Variants in SLF1 observed in about 807,000 individuals in gnomAD.
The protein encoded by SLF1 is SMC5-SMC6 complex localization factor protein 1.
SLF1 carries 105 observed loss-of-function variants against 123.0 expected under a neutral mutation model. The ratio of observed to expected loss-of-function variants is 0.85; its 90% CI spans 0.73 to 1.00. SLF1 has a LOEUF of 1.00. SLF1 is among the 50% of genes least tolerant of loss of function. SLF1 has a pLI of 0.00. For missense variants in SLF1, 1,239 were observed against 1,223.0 expected (o/e 1.01, Z -0.20); for synonymous variants, 434 against 406.6 (o/e 1.07, Z -0.81).
In SLF1 at chr5:94,654,631, A is replaced by T. The variant is rs759771028; in HGVS notation, c.1034A>T (p.Lys345Ile). Residue 345 changes from lysine (K) to isoleucine (I), a missense_variant and splice_region_variant, in exon 9 of 21, where the codon AAA becomes ATA. Transcript: ENST00000265140. Reference protein sequence around the residue: ...LRRHIYNRDQKEMKNSIFAEY... With the variant: ...LRRHIYNRDQIEMKNSIFAEY... The stretch of plus-strand genomic sequence containing the variant: ...GTCATTTTACTTTGCTATATGCAGA[A>T]AGAAATGAAGAATTCTATTTTTGCT... 9 of 1,535,164 alleles carry T rather than the reference A, an allele frequency of 5.9e-6. No individual in the cohort carries two copies. The highest frequency in any genetic ancestry group is 2.0e-5 in the Admixed American group (1 of 48,864).
At chr5:94,636,500 A>G (rs981739541) in intron 4 of SLF1, among the ~76,000 whole-genome samples, 1 of 151,964 alleles carries the variant, frequency 6.6e-6, no homozygotes, top group Non-Finnish European at 1.5e-5. Context: ...ACTGTCTTTG[A>G]ACTCACTGAT....
intron 17 of SLF1, 91 bp from the exon 18 acceptor site, chr5:94,689,382 G>A (rs1387079050): frequency 7.6e-6 from 10 of 1,311,514 alleles, no homozygotes; most frequent in Non-Finnish European, 9.2e-6. Flanking sequence ...TAAATTAAAA[G>A]GGGGCTAGAC....
intron 12 of SLF1, among the ~76,000 whole-genome samples, chr5:94,669,846 A>G (rs752604020): frequency 1.3e-5 from 2 of 151,990 alleles, no homozygotes; most frequent in Admixed American, 6.6e-5. Flanking sequence ...AATGAAATCT[A>G]TAATCTTTGT....
chr5:94,662,039 T>C (rs562099990), intron 9 of SLF1, among the ~76,000 whole-genome samples: 28 of 152,278 alleles, frequency 1.8e-4, no homozygotes, highest in Non-Finnish European at 2.5e-4. Flanking sequence ...CTAAGGACAA[T>C]GGACCTCTTC....
intron 4 of SLF1, among the ~76,000 whole-genome samples, chr5:94,638,637 G>A (rs1027169598): frequency 6.6e-5 from 10 of 152,164 alleles, no homozygotes; most frequent in South Asian, 4.1e-4. Flanking sequence ...AATAGTAACC[G>A]TGAGCCCTGG....
chr5:94,695,399 G>T lies in SLF1; in HGVS notation c.*87G>T. ...GGACTTCATAGCTTACTGACAGATAGTAATTTGATTTATTTATTGACAGAC... is the reference window on the plus strand; with the variant it reads ...GGACTTCATAGCTTACTGACAGATATTAATTTGATTTATTTATTGACAGAC... On this transcript the variant is annotated 3_prime_UTR_variant, in exon 21 of 21. Transcript: ENST00000265140. 1 of 1,364,494 alleles carries T rather than the reference G, an allele frequency of 7.3e-7. No individual in the cohort carries two copies. The highest frequency in any genetic ancestry group is 9.6e-7 in the Non-Finnish European group (1 of 1,040,576). The allele number at this position is 1,364,494 out of a possible 1,614,324, so 84.5% of individuals were successfully genotyped here.
At chr5:94,620,636 G>A (rs1791700370) in intron 1 of SLF1, among the ~76,000 whole-genome samples, 1 of 152,014 alleles carries the variant, frequency 6.6e-6, no homozygotes, top group Non-Finnish European at 1.5e-5. Flanking sequence ...TTCTGTGTTG[G>A]CTTTGAATAA....
chr5:94,659,921 G>A (rs1317153836), intron 9 of SLF1, among the ~76,000 whole-genome samples: 1 of 152,094 alleles, frequency 6.6e-6, no homozygotes, highest in Admixed American at 6.5e-5. Flanking sequence ...CCAATCCTCG[G>A]GCCCCCAAGT....
Position 94,661,338 on chromosome 5 carries a change from G to T in SLF1, c.1156-960G>T, listed in dbSNP as rs1749079496. Among the ~76,000 whole-genome samples the T allele has an allele frequency of 2.0e-5, 3 of 152,000 alleles. No individual in the cohort carries two copies. In the South Asian group the frequency reaches 6.2e-4, roughly 32 times the overall value. On this transcript the variant is annotated intron_variant, in intron 9 of 20. Coordinates refer to ENST00000265140, the MANE Select transcript of SLF1 (RefSeq NM_032290.4). The stretch of plus-strand genomic sequence containing the variant: ...TCCAGGCTCCTAGCCAGTTCCATTT[G>T]AGCCAGCTGCTTTGCTTCTCTGTCT...
chr5:94,675,852 CTG>C (rs1750983802), intron 14 of SLF1, among the ~76,000 whole-genome samples: 1 of 149,210 alleles, frequency 6.7e-6, no homozygotes, highest in Non-Finnish European at 1.5e-5. Flanking sequence ...GTGATTTTAA[CTG>C]TATGTACCAC....
intron 4 of SLF1, among the ~76,000 whole-genome samples, chr5:94,636,885 T>A (rs1158280169): frequency 6.6e-6 from 1 of 151,822 alleles, no homozygotes; most frequent in Non-Finnish European, 1.5e-5. Context: ...GCCTGGCTAA[T>A]TTTTTTGTAT....
chr5:94,639,987 C>A (rs1191480631), intron 4 of SLF1, among the ~76,000 whole-genome samples: 1 of 152,154 alleles, frequency 6.6e-6, no homozygotes, highest in African/African-American at 2.4e-5. Context: ...TTATAAACTT[C>A]CAAATACATT....
intron 20 of SLF1, among the ~76,000 whole-genome samples, chr5:94,692,799 T>C (rs1310324557): frequency 3.3e-5 from 5 of 152,206 alleles, no homozygotes; most frequent in African/African-American, 1.2e-4. Flanking sequence ...ATAACTGTTA[T>C]GCAGGGGTTT....
intron 16 of SLF1, 58 bp from the exon 17 acceptor site, chr5:94,688,448 T>A: frequency 6.5e-7 from 1 of 1,533,768 alleles, no homozygotes; most frequent in Non-Finnish European, 9.0e-7. Context: ...AATCAAATAA[T>A]TTCTCTTTAC....
chr5:94,627,322 C>T (rs1356669032), intron 1 of SLF1, among the ~76,000 whole-genome samples: 1 of 151,674 alleles, frequency 6.6e-6, no homozygotes. Context: ...TTCTCTAGTC[C>T]CTGCTTTGCT....
At chr5:94,679,077 A>C in intron 15 of SLF1, 122 bp downstream of exon 15, 1 of 1,057,384 alleles carries the variant, frequency 9.5e-7, no homozygotes, top group South Asian at 1.6e-5. Flanking sequence ...ATAGTTATGG[A>C]TGCACGCACA....
chr5:94,691,158 TG>T (rs1345970689), intron 18 of SLF1: 1 of 181,370 alleles, frequency 5.5e-6, no homozygotes, highest in African/African-American at 2.4e-5. Context: ...ATACATTTAA[TG>T]TAGGTTCATG....
chr5:94,669,365 A>C (rs1380036798), intron 12 of SLF1, among the ~76,000 whole-genome samples: 1 of 152,130 alleles, frequency 6.6e-6, no homozygotes, highest in East Asian at 1.9e-4. Flanking sequence ...CAGAGGTAGA[A>C]AGTTATAAGT....
chr5:94,662,210 T>G lies in SLF1; in HGVS notation c.1156-88T>G, dbSNP rs1286433289. On this transcript the variant is annotated intron_variant, in intron 9 of 20. Coordinates refer to ENST00000265140, the MANE Select transcript of SLF1 (RefSeq NM_032290.4). ...CTATTAATGTGTTCCTGGATCTGTT[T>G]TATATGTTTTTCCAAGGTTTTGGGG... 4.4e-6 allele frequency: 5 copies of G among 1,127,480 alleles called. No homozygotes were observed. The East Asian group carries it at 1.1e-4, about 24-fold the overall frequency. 69.8% of individuals were successfully genotyped at this position (1,127,480 alleles called of 1,614,324 possible). A position where few individuals can be genotyped will look rare whatever the true frequency, so the allele number is the denominator to read the frequency against.
Sources: gnomAD v4.1 joint callset for allele counts (sites outside exome capture counted in the v4.1 genomes callset) on GRCh38, gnomAD v4.1.1 for gene constraint, MANE v1.5 for transcripts, NCBI Gene and HGNC (gene_info 2026-07-23, HGNC 2026-07-21) for gene names.